Variants in VOPP1 observed in about 807,000 individuals in gnomAD.
The protein encoded by VOPP1 is VOPP1 WW domain binding protein, also known as WW domain binding protein VOPP1.
Under a neutral mutation model 23.5 loss-of-function variants are expected in VOPP1, and 8 were observed. The observed-to-expected ratio is 0.34, with a 90% CI of 0.20 to 0.61. The LOEUF is 0.61. Ranked by LOEUF, VOPP1 falls within the 20% of genes least tolerant of loss-of-function variation. The probability of loss-of-function intolerance (pLI) is 0.78; values close to 1 mark genes in which losing one functional copy is unlikely to be tolerated. For synonymous variants in VOPP1, 83 were observed against 97.3 expected (o/e 0.85, Z 0.86); for missense variants, 174 against 238.1 (o/e 0.73, Z 1.77).
At chr7:55,496,339 T>C (rs1413510412) in intron 3 of VOPP1, among the ~76,000 whole-genome samples, 1 of 152,228 alleles carries the variant, frequency 6.6e-6, no homozygotes. Flanking sequence ...AGCTGGGTCT[T>C]GCCCCTGACA....
At chr7:55,452,261 A>G (rs551016408) in intron 4 of VOPP1, among the ~76,000 whole-genome samples, 1 of 152,332 alleles carries the variant, frequency 6.6e-6, no homozygotes, top group Admixed American at 6.5e-5. Context: ...ATGAGATTGT[A>G]GCAATTCAGT....
intron 4 of VOPP1, among the ~76,000 whole-genome samples, chr7:55,440,193 C>G (rs1583781685): frequency 6.6e-6 from 1 of 152,180 alleles, no homozygotes; most frequent in South Asian, 2.1e-4. Flanking sequence ...CGAGGGTACA[C>G]ATAGTGACAA....
At chr7:55,483,877 C>T (rs1228011718) in intron 4 of VOPP1, among the ~76,000 whole-genome samples, 2 of 152,206 alleles carry the variant, frequency 1.3e-5, no homozygotes, top group African/African-American at 2.4e-5. Context: ...CTGTCTCAGC[C>T]TCCCGAGTAG....
In VOPP1 at chr7:55,492,366, G is replaced by A. The variant is rs771343242; in HGVS notation, c.244C>T (p.Arg82Trp). ...LFCCGAGFFIRRRMYPPPLIE... is the reference protein window; with the variant it reads ...LFCCGAGFFIWRRMYPPPLIE... Reference sequence around the variant, plus strand: ...AGCGGCGGGGGGTACATGCGCCTCCGGATGAAGAAGCCGGCTCCGCAGCAG... The same window carrying A: ...AGCGGCGGGGGGTACATGCGCCTCCAGATGAAGAAGCCGGCTCCGCAGCAG... Residue 82 changes from arginine to tryptophan, a missense_variant, in exon 4 of 5, where the codon CGG (arginine) becomes TGG (tryptophan). Coordinates refer to ENST00000285279, the MANE Select transcript of VOPP1 (RefSeq NM_030796.5). 18 of 1,609,118 alleles carry A rather than the reference G, an allele frequency of 1.1e-5. No individual in the cohort carries two copies. In the East Asian group the frequency reaches 1.6e-4, roughly 14 times the overall value.
chr7:55,437,453 T>G (rs1339065908), intron 4 of VOPP1, among the ~76,000 whole-genome samples: 1 of 152,278 alleles, frequency 6.6e-6, no homozygotes, highest in Admixed American at 6.5e-5. Flanking sequence ...TCTGCTGTCC[T>G]AAACCTTCCA....
chr7:55,438,661 C>A (rs1451064127), intron 4 of VOPP1, among the ~76,000 whole-genome samples: 1 of 152,170 alleles, frequency 6.6e-6, no homozygotes, highest in Admixed American at 6.5e-5. Context: ...GGAGAAGGCA[C>A]AGAGGCTTTG....
At chr7:55,518,125 G>A (rs1001171552) in intron 2 of VOPP1, among the ~76,000 whole-genome samples, 1 of 152,170 alleles carries the variant, frequency 6.6e-6, no homozygotes, top group Admixed American at 6.5e-5. Context: ...TGCACTGGCC[G>A]TGTGCAAGTC....
intron 2 of VOPP1, among the ~76,000 whole-genome samples, chr7:55,508,142 G>C (rs1405628203): frequency 6.6e-6 from 1 of 152,170 alleles, no homozygotes. Flanking sequence ...TCATTTCTTT[G>C]CCATTTTAAC....
At chr7:55,468,140 A>G (rs1791678455), downstream of VOPP1, among the ~76,000 whole-genome samples, 1 of 152,010 alleles carries the variant, frequency 6.6e-6, no homozygotes, top group Non-Finnish European at 1.5e-5. Flanking sequence ...GTGTGGTGGC[A>G]TGTGCCTGTA....
Position 55,470,651 on chromosome 7 carries a change from G to C in VOPP1, c.*2204C>G, listed in dbSNP as rs1791756882. 1 of 152,160 alleles carries C rather than the reference G, an allele frequency of 6.6e-6. No homozygotes were observed. Among genetic ancestry groups the C allele is most frequent in the African/African-American group, 2.4e-5 (1 of 41,430 alleles). The allele number at this position is 152,160 out of a possible 1,614,324, so 9.4% of individuals were successfully genotyped here. Reference sequence around the variant, plus strand: ...TTTTATTTTGCACACATAGGAAACAGGATCCTATCAAAAGAGAACAAAAAA... The same window carrying C: ...TTTTATTTTGCACACATAGGAAACACGATCCTATCAAAAGAGAACAAAAAA... On this transcript the variant is annotated 3_prime_UTR_variant, in exon 5 of 5. Coordinates refer to ENST00000285279, the MANE Select transcript of VOPP1 (RefSeq NM_030796.5).
intron 4 of VOPP1, among the ~76,000 whole-genome samples, chr7:55,447,909 A>T (rs1791142016): frequency 6.6e-6 from 1 of 152,184 alleles, no homozygotes; most frequent in African/African-American, 2.4e-5. Flanking sequence ...CAAATTGGCA[A>T]TTATATATGA....
At chr7:55,565,706 G>A (rs1453683890) in intron 1 of VOPP1, among the ~76,000 whole-genome samples, 2 of 152,188 alleles carry the variant, frequency 1.3e-5, no homozygotes, top group Non-Finnish European at 2.9e-5. Flanking sequence ...AAAAGATTTC[G>A]GTCTCACTGC....
At chr7:55,568,397 TCC>T (rs1562637366) in intron 1 of VOPP1, among the ~76,000 whole-genome samples, 1 of 152,162 alleles carries the variant, frequency 6.6e-6, no homozygotes. Flanking sequence ...CTTTTTCTAG[TCC>T]AAGAAGATCT....
chr7:55,440,034 G>A (rs1418517928), intron 4 of VOPP1, among the ~76,000 whole-genome samples: 1 of 152,180 alleles, frequency 6.6e-6, no homozygotes, highest in Admixed American at 6.5e-5. Context: ...CACTGGTCTG[G>A]AGGCAGGTTG....
At chr7:55,492,574 A>C (rs1283157332) in intron 3 of VOPP1, among the ~76,000 whole-genome samples, 156 bp from the exon 4 acceptor site, 1 of 152,182 alleles carries the variant, frequency 6.6e-6, no homozygotes, top group Non-Finnish European at 1.5e-5. Context: ...TGAGGCTCGC[A>C]CCTCAGACTT....
chr7:55,439,391 GCGGTGAACTCCT>G (rs1790909876), intron 4 of VOPP1, among the ~76,000 whole-genome samples: 1 of 152,116 alleles, frequency 6.6e-6, no homozygotes, highest in Non-Finnish European at 1.5e-5. Context: ...GTGGAGGTCT[GCGGTGAACTCCT>G]CGGCAGCACA....
At chr7:55,508,765 G>T (rs561486725) in intron 2 of VOPP1, among the ~76,000 whole-genome samples, 4 of 152,244 alleles carry the variant, frequency 2.6e-5, no homozygotes, top group African/African-American at 9.6e-5. Context: ...GTTATTACCA[G>T]AAACCACCTT....
In VOPP1 at chr7:55,451,217, C is replaced by T. The variant is rs541212593; in HGVS notation, n.418-15043G>A. ...ACAGGCACAGGAGTGGAACGAGATC[C>T]TTTCTGGACACTTCCGCACAGCCCA... On this transcript the variant is annotated intron_variant and non_coding_transcript_variant, in intron 4 of 4. Coordinates refer to the VOPP1 transcript ENST00000462326. Among the ~76,000 whole-genome samples the T allele has an allele frequency of 6.6e-5, 10 of 152,306 alleles. No homozygotes were observed. The South Asian group carries it at 2.1e-3, about 32-fold the overall frequency.
chr7:55,546,108 C>T (rs1015710262), intron 1 of VOPP1, among the ~76,000 whole-genome samples: 6 of 152,056 alleles, frequency 3.9e-5, no homozygotes, highest in African/African-American at 9.7e-5. Flanking sequence ...AGTGAAAAAA[C>T]GGAAGGATTT....
Sources: gnomAD v4.1 joint callset for allele counts (sites outside exome capture counted in the v4.1 genomes callset) on GRCh38, gnomAD v4.1.1 for gene constraint, MANE v1.5 for transcripts, NCBI Gene and HGNC (gene_info 2026-07-23, HGNC 2026-07-21) for gene names.